HECW1: variants seen among roughly 807,000 people sequenced by gnomAD.
HECW1 encodes the protein HECT, C2 and WW domain containing E3 ubiquitin protein ligase 1.
In HECW1, 61 loss-of-function variants were observed where a neutral mutation model predicts 182.3. That is an observed-to-expected ratio of 0.33 (90% confidence interval 0.27 to 0.41). The LOEUF is 0.41. Ranked by LOEUF, HECW1 falls within the 10% of genes least tolerant of loss-of-function variation. The probability of loss-of-function intolerance (pLI) is 1.00; values close to 1 mark genes in which losing one functional copy is unlikely to be tolerated. For missense variants in HECW1, 1,739 were observed against 2,108.9 expected (o/e 0.82, Z 3.44); for synonymous variants, 859 against 832.6 (o/e 1.03, Z -0.55).
chr7:43,429,377 A>T (rs2076471693), intron 8 of HECW1, among the ~76,000 whole-genome samples: 1 of 145,726 alleles, frequency 6.9e-6, no homozygotes, highest in Admixed American at 7.1e-5. Context: ...CTTACGTCTC[A>T]GCAGCATGGT....
chr7:43,462,335 A>T (rs1584981822), intron 13 of HECW1, among the ~76,000 whole-genome samples: 1 of 149,462 alleles, frequency 6.7e-6, no homozygotes, highest in Non-Finnish European at 1.5e-5. Flanking sequence ...TGCATTCTCC[A>T]CTCCGACACT....
chr7:43,147,355 G>A (rs1788832314), intron 2 of HECW1: 1 of 151,934 alleles, frequency 6.6e-6, no homozygotes, highest in African/African-American at 2.4e-5. Context: ...AGTGCATTTT[G>A]CCCTTTGCTT....
chr7:43,391,736 G>A (rs2075038045), intron 6 of HECW1, among the ~76,000 whole-genome samples: 1 of 152,200 alleles, frequency 6.6e-6, no homozygotes, highest in Admixed American at 6.5e-5. Flanking sequence ...TAGAATGACA[G>A]TCATATAATG....
chr7:43,221,444 T>C, intron 2 of HECW1, among the ~76,000 whole-genome samples: 1 of 150,970 alleles, frequency 6.6e-6, no homozygotes, highest in East Asian at 2.0e-4. Context: ...CCACAAATTT[T>C]TAAATCTCCT....
At chr7:43,392,341 TC>T (rs1190043837) in intron 6 of HECW1, among the ~76,000 whole-genome samples, 3 of 152,190 alleles carry the variant, frequency 2.0e-5, no homozygotes, top group African/African-American at 7.2e-5. Context: ...GTGGCCACAC[TC>T]CTATTGGAAA....
intron 19 of HECW1, among the ~76,000 whole-genome samples, chr7:43,495,810 T>G (rs1367517436): frequency 6.6e-6 from 1 of 152,200 alleles, no homozygotes; most frequent in Non-Finnish European, 1.5e-5. Flanking sequence ...CCCAAGGGAA[T>G]TTTCAAGGGA....
chr7:43,468,774 C>G (rs1163319708), intron 15 of HECW1, 146 bp from the exon 16 acceptor site: 7 of 676,736 alleles, frequency 1.0e-5, no homozygotes, highest in Non-Finnish European at 1.7e-5. Context: ...TGAGCAAGAG[C>G]TCATTTTCTG....
At chr7:43,485,111 A>G (rs1441154296) in intron 17 of HECW1, among the ~76,000 whole-genome samples, 2 of 152,344 alleles carry the variant, frequency 1.3e-5, no homozygotes, top group East Asian at 3.9e-4. Flanking sequence ...ACACACCGAA[A>G]AAAAAGCTTG....
At chr7:43,198,036 A>G (rs1446263043) in intron 2 of HECW1, among the ~76,000 whole-genome samples, 1 of 151,524 alleles carries the variant, frequency 6.6e-6, no homozygotes, top group Admixed American at 6.6e-5. Context: ...CAACCTACAC[A>G]TACACACACC....
At chr7:43,326,307 G>T (rs1584487885) in intron 5 of HECW1, among the ~76,000 whole-genome samples, 1 of 152,208 alleles carries the variant, frequency 6.6e-6, no homozygotes, top group African/African-American at 2.4e-5. Flanking sequence ...ACCATGGTGA[G>T]GTGAACCTCA....
At chr7:43,538,633 C>G (rs2081261727) in intron 24 of HECW1, among the ~76,000 whole-genome samples, 1 of 152,172 alleles carries the variant, frequency 6.6e-6, no homozygotes, top group Admixed American at 6.5e-5. Flanking sequence ...AGATGTGGGT[C>G]AGTTTCCTCG....
chr7:43,267,480 A>G (rs1801923862), intron 3 of HECW1, among the ~76,000 whole-genome samples: 1 of 152,058 alleles, frequency 6.6e-6, no homozygotes, highest in African/African-American at 2.4e-5. Context: ...ACAGTTCTGT[A>G]TGTTTTTATT....
intron 29 of HECW1, among the ~76,000 whole-genome samples, chr7:43,555,777 C>T (rs545912814): frequency 6.6e-6 from 1 of 152,178 alleles, no homozygotes; most frequent in East Asian, 1.9e-4. Context: ...CTGGCTTCAC[C>T]CACTCAGTTC....
chr7:43,112,954 C>G lies in HECW1; in HGVS notation c.-267+17C>G, dbSNP rs1057167868. The G allele has an allele frequency of 9.5e-6, 2 of 210,236 alleles. No homozygotes were observed. Among genetic ancestry groups the G allele is most frequent in the Non-Finnish European group, 1.9e-5 (2 of 103,370 alleles). The allele number at this position is 210,236 out of a possible 1,614,324, so 13.0% of individuals were successfully genotyped here. On this transcript the variant is annotated intron_variant, in intron 1 of 29. Transcript: ENST00000395891. Reference sequence around the variant, plus strand: ...GCTGCCAAGGTAAGCGGGCGTAGCGCGGGGACACTGTCTGCCGCCCCTTCC... The same window carrying G: ...GCTGCCAAGGTAAGCGGGCGTAGCGGGGGGACACTGTCTGCCGCCCCTTCC...
At chr7:43,530,338 C>T (rs550812360) in intron 24 of HECW1, among the ~76,000 whole-genome samples, 25 of 151,946 alleles carry the variant, frequency 1.6e-4, no homozygotes, top group African/African-American at 6.0e-4. Context: ...TTCTGACATG[C>T]CATTGTCACC....
chr7:43,483,127 G>A (rs1246477026), intron 17 of HECW1, among the ~76,000 whole-genome samples: 1 of 152,144 alleles, frequency 6.6e-6, no homozygotes, highest in Non-Finnish European at 1.5e-5. Context: ...GAAAACTTTA[G>A]TGCTGCATGG....
At chr7:43,505,492 T>G (rs2079541469) in intron 21 of HECW1, among the ~76,000 whole-genome samples, 1 of 152,242 alleles carries the variant, frequency 6.6e-6, no homozygotes, top group Non-Finnish European at 1.5e-5. Context: ...CCTACTACAC[T>G]TAGCATAAAA....
chr7:43,276,760 C>T (rs1803206397), intron 3 of HECW1, among the ~76,000 whole-genome samples: 1 of 152,198 alleles, frequency 6.6e-6, no homozygotes, highest in Non-Finnish European at 1.5e-5. Flanking sequence ...AAAATTAGCT[C>T]AGCTTTCCTG....
chr7:43,216,619 C>T (rs1310860147), intron 2 of HECW1, among the ~76,000 whole-genome samples: 1 of 151,920 alleles, frequency 6.6e-6, no homozygotes, highest in Admixed American at 6.6e-5. Flanking sequence ...CTCCACTAGC[C>T]CACATCCTGC....
Sources: allele counts gnomAD v4.1 joint callset (sites outside exome capture counted in the v4.1 genomes callset), GRCh38; gene constraint gnomAD v4.1.1; transcripts MANE v1.5; gene names NCBI Gene and HGNC (gene_info 2026-07-23, HGNC 2026-07-21).